NCAPD2: variants seen among roughly 807,000 people sequenced by gnomAD.
NCAPD2 encodes non-SMC condensin I complex subunit D2.
Under a neutral mutation model 164.5 loss-of-function variants are expected in NCAPD2, and 100 were observed. That is an observed-to-expected ratio of 0.61 (90% CI 0.52 to 0.72). The LOEUF (loss-of-function observed/expected upper bound fraction) is 0.72, where lower values mean the gene tolerates loss of function less well. Among genes scored for constraint, NCAPD2 ranks in the 30% least tolerant of loss-of-function variants. NCAPD2 has a pLI of 0.00. For synonymous variants in NCAPD2, 585 were observed against 642.6 expected (o/e 0.91, Z 1.36); for missense variants, 1,560 against 1,749.2 (o/e 0.89, Z 1.93).
At chr12:6,505,992 A>T (rs748322034) in intron 2 of NCAPD2, among the ~76,000 whole-genome samples, 3 of 151,618 alleles carry the variant, frequency 2.0e-5, no homozygotes, top group Non-Finnish European at 4.4e-5. Flanking sequence ...ATGGGGTCTC[A>T]CTGTCACCCA....
chr12:6,510,876 A>G, intron 5 of NCAPD2, 66 bp downstream of exon 5: 1 of 1,533,252 alleles, frequency 6.5e-7, no homozygotes, highest in Non-Finnish European at 8.9e-7. Context: ...ATGGAAAAGA[A>G]GGGAATCCAA....
intron 29 of NCAPD2, 97 bp from the exon 30 acceptor site, chr12:6,530,594 G>A: frequency 5.3e-6 from 8 of 1,496,368 alleles, no homozygotes; most frequent in Non-Finnish European, 7.2e-6. Flanking sequence ...TCTTAGTAAT[G>A]TGCGTTTAAG....
rs1226473014 is a variant in NCAPD2 at position 6,531,077 on chromosome 12, G to A, written c.4120+1G>A. The A allele has an allele frequency of 6.2e-7, 1 of 1,613,070 alleles. No individual in the cohort carries two copies. The highest frequency in any genetic ancestry group is 8.5e-7 in the Non-Finnish European group (1 of 1,179,944). ...TCAAGTGATGAGTCCAGTGAGGAAG[G>A]TATGATGCTCCCGCCTGTTCCCGGC... On this transcript the variant is annotated splice_donor_variant, in intron 31 of 31. Transcript: ENST00000315579. LOFTEE classifies it high-confidence loss of function. This position sits in a 1 kb window ranked among gnomAD's most constrained non-coding sequence, Gnocchi z 4.1.
At position 6,521,963 on chromosome 12, in the gene NCAPD2, C is replaced by T. The variant is rs759517573; in HGVS notation, c.1880C>T (p.Ala627Val). The change falls in exon 15 of 32, where the codon GCC becomes GTC. Residue 627 changes from alanine to valine, a missense_variant. Ala to Val is a moderately conservative substitution (Grantham distance 64). Transcript: ENST00000315579. ...ATGCTGGTACAGTATCTGCAGGATGCCTACAGCTTCTCCCGGAAGATTACA... is the reference window on the plus strand; with the variant it reads ...ATGCTGGTACAGTATCTGCAGGATGTCTACAGCTTCTCCCGGAAGATTACA... ...QEMLVQYLQD[A>V]YSFSRKITEA... 50 of 1,614,114 alleles carry T rather than the reference C, an allele frequency of 3.1e-5. No homozygotes were observed. The highest frequency in any genetic ancestry group is 4.1e-5 in the Non-Finnish European group (48 of 1,180,002).
intron 17 of NCAPD2, among the ~76,000 whole-genome samples, chr12:6,523,601 G>T (rs1285062547): frequency 6.6e-6 from 1 of 152,118 alleles, no homozygotes; most frequent in Admixed American, 6.5e-5. Flanking sequence ...GTTTCACCAT[G>T]TTGGCCGAGC....
Position 6,526,538 on chromosome 12 carries a change from G to A in NCAPD2, c.2657G>A (p.Cys886Tyr). 6.2e-7 allele frequency: 1 copy of A among 1,614,168 alleles called. No homozygotes were observed. Among genetic ancestry groups the A allele is most frequent in the African/African-American group, 1.3e-5 (1 of 75,028 alleles). Reference sequence around the variant, plus strand: ...CTGGCAGAGGGCCCCGAAGTGATCTGTGCCCAGATATTGCAGGGCTGTGCA... The same window carrying A: ...CTGGCAGAGGGCCCCGAAGTGATCTATGCCCAGATATTGCAGGGCTGTGCA... ...YQLAEGPEVI[C>Y]AQILQGCAKQ... The change falls in exon 21 of 32, where the codon TGT becomes TAT. Residue 886 changes from cysteine to tyrosine, a missense_variant. Coordinates refer to ENST00000315579, the MANE Select transcript of NCAPD2 (RefSeq NM_014865.4).
intron 13 of NCAPD2, among the ~76,000 whole-genome samples, chr12:6,519,185 C>T (rs1358746980): frequency 3.9e-5 from 6 of 152,268 alleles, no homozygotes; most frequent in Non-Finnish European, 7.4e-5. Flanking sequence ...CCACCGTGCC[C>T]GGCTTGGGCT....
At chr12:6,525,912 C>A (rs1946312774) in intron 18 of NCAPD2, among the ~76,000 whole-genome samples, 156 bp from the exon 19 acceptor site, 1 of 152,204 alleles carries the variant, frequency 6.6e-6, no homozygotes, top group South Asian at 2.1e-4. Flanking sequence ...AGTAAAGCAA[C>A]AGGACCCAAG....
chr12:6,511,119 G>C lies in NCAPD2; in HGVS notation c.454G>C (p.Ala152Pro). The C allele has an allele frequency of 6.2e-7, 1 of 1,613,870 alleles. No homozygotes were observed. Among genetic ancestry groups the C allele is most frequent in the South Asian group, 1.1e-5 (1 of 91,030 alleles). The change falls in exon 6 of 32, where the codon GCT becomes CCT. Residue 152 changes from alanine to proline, a missense_variant. By Grantham distance (27) the Ala-to-Pro change is conservative (BLOSUM62 -1). Coordinates refer to ENST00000315579, the MANE Select transcript of NCAPD2 (RefSeq NM_014865.4). ...ACATGATCCTTTTTAGGGTAAGAAA[G>C]CTCGGACCAAGGCAGCCCATGGCTT... is the stretch of plus-strand genomic sequence containing the variant. ...DLDLGGKGKK[A>P]RTKAAHGFDW...
rs751574432 is a variant in NCAPD2, at chr12:6,527,866, C to G, written c.2997C>G (p.Ile999Met). The G allele has an allele frequency of 2.5e-6, 4 of 1,613,614 alleles. No individual in the cohort carries two copies. The highest frequency in any genetic ancestry group is 2.5e-6 in the Non-Finnish European group (3 of 1,179,618). ...CAGAGGCAGAACTAATCCGTGGCAT[C>G]TGCGAGATGGAACTGTTGGATGGTA... The part of the protein sequence containing the change: ...DDTEAELIRG[I>M]CEMELLDGKQ... The change falls in exon 23 of 32, where the codon ATC (isoleucine) becomes ATG (methionine). Residue 999 changes from isoleucine (I) to methionine (M), a missense_variant. Transcript: ENST00000315579.
chr12:6,494,849 T>A (rs1945960941), intron 1 of NCAPD2, among the ~76,000 whole-genome samples: 1 of 152,214 alleles, frequency 6.6e-6, no homozygotes, highest in Non-Finnish European at 1.5e-5. Context: ...AATTAGTTTC[T>A]AGTCCAGGGT....
At position 6,530,789 on chromosome 12, in the gene NCAPD2, A is replaced by T. The variant is rs563085688; in HGVS notation, c.3936A>T (p.Arg1312Ser). The T allele has an allele frequency of 3.7e-6, 6 of 1,614,168 alleles. No homozygotes were observed. Among genetic ancestry groups the T allele is most frequent in the Non-Finnish European group, 5.1e-6 (6 of 1,180,026 alleles). ...AGATTGGCCAAGCAGGTAGCCAGAGAGCGCCATCAGCCAAGAAACCATCCA... is the reference window on the plus strand; with the variant it reads ...AGATTGGCCAAGCAGGTAGCCAGAGTGCGCCATCAGCCAAGAAACCATCCA... ...ELEIGQAGSQ[R>S]APSAKKPSTG... is the part of the protein sequence containing the mutation. Residue 1312 changes from arginine to serine, a missense_variant, in exon 30 of 32, where the codon AGA (arginine) becomes AGT (serine). Transcript: ENST00000315579.
chr12:6,504,216 T>TATATATATATACACAC (rs1406807438), intron 2 of NCAPD2, among the ~76,000 whole-genome samples: 1 of 23,224 alleles, frequency 4.3e-5, no homozygotes. Context: ...TATATATATA[T>TATATATATATACACAC]AGATATAGAT....
intron 30 of NCAPD2, 45 bp downstream of exon 30, chr12:6,530,862 C>T (rs993417186): frequency 1.2e-6 from 2 of 1,613,482 alleles, no homozygotes; most frequent in Non-Finnish European, 1.7e-6. Context: ...TGGGCCCTCC[C>T]CTCCTGCAGT....
At position 6,531,115 on chromosome 12, in the gene NCAPD2, C is replaced by G. The variant is rs766199769; in HGVS notation, c.4120+39C>G. 5.0e-6 allele frequency: 8 copies of G among 1,610,608 alleles called. No homozygotes were observed. In the Admixed American group the frequency reaches 1.3e-4, roughly 27 times the overall value. ...GCCTGTTCCCGGCCGAGAAGGCACA[C>G]AGCTAGGGTGCAGAGGGCTGGTTTC... On this transcript the variant is annotated intron_variant, in intron 31 of 31. Coordinates refer to ENST00000315579, the MANE Select transcript of NCAPD2 (RefSeq NM_014865.4). This position sits in a 1 kb window ranked among gnomAD's most constrained non-coding sequence, Gnocchi z 4.1.
At chr12:6,521,279 T>A (rs1488139956) in intron 14 of NCAPD2, among the ~76,000 whole-genome samples, 169 bp downstream of exon 14, 1 of 152,264 alleles carries the variant, frequency 6.6e-6, no homozygotes, top group Non-Finnish European at 1.5e-5. Flanking sequence ...GGGCCTAAGA[T>A]TGATAGTCAC....
chr12:6,526,696 A>G lies in NCAPD2; in HGVS notation c.2734+81A>G, dbSNP rs558861633. On this transcript the variant is annotated intron_variant, in intron 21 of 31. Transcript: ENST00000315579. ...GCCAGGAGCCACTGCCACCACCACT[A>G]TCTGCAACAACCCTTAGTGTACACT... The G allele has an allele frequency of 5.9e-6, 9 of 1,536,222 alleles. No individual in the cohort carries two copies. In the East Asian group the frequency reaches 6.8e-5, roughly 12 times the overall value.
chr12:6,519,623 C>T (rs1040092449), intron 13 of NCAPD2, among the ~76,000 whole-genome samples: 1 of 151,888 alleles, frequency 6.6e-6, no homozygotes, highest in African/African-American at 2.4e-5. Context: ...TTCTTTTTTT[C>T]CCCCTTTTAT....
chr12:6,517,659 G>T lies in NCAPD2; in HGVS notation c.1384G>T (p.Ala462Ser), dbSNP rs1946216900. Residue 462 changes from alanine to serine, a missense_variant, in exon 12 of 32, where the codon GCC (alanine) becomes TCC (serine). Physicochemically the swap from Ala to Ser is moderately conservative, Grantham distance 99. Coordinates refer to ENST00000315579, the MANE Select transcript of NCAPD2 (RefSeq NM_014865.4). Reference sequence around the variant, plus strand: ...GACCCAGAAATTACAAGAGATGAGGGCCCAGAGGCGAACTGCAGCAGCTTG... The same window carrying T: ...GACCCAGAAATTACAAGAGATGAGGTCCCAGAGGCGAACTGCAGCAGCTTG... ...KETQKLQEMR[A>S]QRRTAAASAV... 6.8e-6 allele frequency: 11 copies of T among 1,614,204 alleles called. No individual in the cohort carries two copies. The highest frequency in any genetic ancestry group is 9.3e-6 in the Non-Finnish European group (11 of 1,180,042).
Sources: allele counts gnomAD v4.1 joint callset (sites outside exome capture counted in the v4.1 genomes callset), GRCh38; gene constraint gnomAD v4.1.1; non-coding constraint Gnocchi (gnomAD v3.1); transcripts MANE v1.5; gene names NCBI Gene and HGNC (gene_info 2026-07-23, HGNC 2026-07-21).